Variants in SAP130 observed in about 807,000 individuals in gnomAD.
The protein encoded by SAP130 is Sin3A associated protein 130.
SAP130 carries 16 observed loss-of-function variants against 103.2 expected under a neutral mutation model. The ratio of observed to expected loss-of-function variants is 0.16; its 90% confidence interval spans 0.10 to 0.24. SAP130 has a LOEUF of 0.24. Among genes scored for constraint, SAP130 ranks in the 10% least tolerant of loss-of-function variants. The probability of loss-of-function intolerance (pLI) is 1.00; values close to 1 mark genes in which losing one functional copy is unlikely to be tolerated. For missense variants in SAP130, 990 were observed against 1,359.7 expected, an observed-to-expected ratio of 0.73 and a Z score of 4.28; for synonymous variants, 477 against 497.0, an observed-to-expected ratio of 0.96 and a Z score of 0.53.
chr2:128,006,665 C>G (rs974075540), intron 7 of SAP130, among the ~76,000 whole-genome samples: 1 of 152,054 alleles, frequency 6.6e-6, no homozygotes, highest in Non-Finnish European at 1.5e-5. Context: ...GCCCGTAGTC[C>G]CAGCTTTGGG....
chr2:128,027,123 GCTT>G, intron 1 of SAP130: 1 of 1,400,380 alleles, frequency 7.1e-7, no homozygotes, highest in Non-Finnish European at 9.4e-7. Flanking sequence ...CGCACCGCCC[GCTT>G]CTATCTCGCC....
intron 2 of SAP130, among the ~76,000 whole-genome samples, chr2:128,019,399 C>G (rs1685000269): frequency 2.0e-5 from 3 of 152,118 alleles, no homozygotes; most frequent in Admixed American, 6.5e-5. Flanking sequence ...GCCCAAGCAG[C>G]TAAGACTACA....
intron 2 of SAP130, among the ~76,000 whole-genome samples, chr2:128,018,483 CAAAAAAAAAAAA>C (rs759445928): frequency 1.4e-5 from 1 of 69,480 alleles, no homozygotes; most frequent in Admixed American, 1.8e-4. Context: ...AGATTGTCTC[CAAAAAAAAAAAA>C]AAAAAAAAAA....
chr2:127,977,871 C>G, intron 15 of SAP130, 114 bp downstream of exon 15: 1 of 804,078 alleles, frequency 1.2e-6, no homozygotes, highest in South Asian at 1.6e-5. Flanking sequence ...CCACTGCACT[C>G]CAGCCTGGGC....
intron 11 of SAP130, among the ~76,000 whole-genome samples, chr2:127,995,589 GA>G (rs1271692913): frequency 6.6e-6 from 1 of 152,162 alleles, no homozygotes; most frequent in Non-Finnish European, 1.5e-5. Context: ...CAACACGTTA[GA>G]AAAACTCACT....
intron 6 of SAP130, among the ~76,000 whole-genome samples, chr2:128,011,115 G>C (rs376198997): frequency 3.3e-5 from 5 of 152,030 alleles, no homozygotes; most frequent in African/African-American, 1.2e-4. Context: ...GACATTTTAC[G>C]CTGCCATCCA....
In SAP130 at chr2:127,941,641, G is replaced by C; in HGVS notation, c.*365C>G. On this transcript the variant is annotated 3_prime_UTR_variant, in exon 21 of 21. Coordinates refer to ENST00000643581, the MANE Select transcript of SAP130 (RefSeq NM_001330301.2). The stretch of plus-strand genomic sequence containing the variant: ...GGTCCGAGTGGATACTTTCAGTCCA[G>C]GCTCAGTATGGGGCCTGCAGGAATC... The C allele has an allele frequency of 4.5e-6, 1 of 222,606 alleles. No homozygotes were observed. The highest frequency in any genetic ancestry group is 8.7e-6 in the Non-Finnish European group (1 of 115,040). The allele number at this position is 222,606 out of a possible 1,614,324, so 13.8% of individuals were successfully genotyped here. A position where few individuals can be genotyped will look rare whatever the true frequency, so the allele number is the denominator to read the frequency against.
chr2:128,027,516 G>A (rs1284475292), intron 1 of SAP130, among the ~76,000 whole-genome samples: 2 of 152,052 alleles, frequency 1.3e-5, no homozygotes, highest in East Asian at 1.9e-4. Flanking sequence ...GAAGGGGGCG[G>A]GGAGCGGGGA....
intron 15 of SAP130, 38 bp downstream of exon 15, chr2:127,977,947 G>T: frequency 7.0e-7 from 1 of 1,418,866 alleles, no homozygotes; most frequent in Non-Finnish European, 9.7e-7. Flanking sequence ...ACGATGTGTG[G>T]GTAAAAGCAA....
chr2:128,026,967 C>G (rs1573875538), intron 1 of SAP130: 2 of 922,938 alleles, frequency 2.2e-6, no homozygotes, highest in East Asian at 3.3e-5. Flanking sequence ...ACCGCGAAGC[C>G]CCCGCTGAGA....
At chr2:128,022,370 AT>A (rs1435900010) in intron 2 of SAP130, among the ~76,000 whole-genome samples, 3 of 152,212 alleles carry the variant, frequency 2.0e-5, no homozygotes, top group African/African-American at 7.2e-5. Context: ...TCTGATAGAC[AT>A]TTGGTGAGAA....
intron 7 of SAP130, among the ~76,000 whole-genome samples, chr2:128,009,026 T>C (rs1684192453): frequency 6.6e-6 from 1 of 152,062 alleles, no homozygotes; most frequent in Non-Finnish European, 1.5e-5. Context: ...ATAAAACTCC[T>C]TTCCTAAACC....
rs151209135 is a variant in SAP130 at position 128,016,748 on chromosome 2, C to T, written c.349-201G>A. ...TTCACAGATAAAGAAACATACAAAG[C>T]AAGGCTAACTGACTTGCTCAAAGCC... On this transcript the variant is annotated intron_variant, in intron 3 of 20. Coordinates refer to ENST00000643581, the MANE Select transcript of SAP130 (RefSeq NM_001330301.2). 3.3e-4 allele frequency among the ~76,000 whole-genome samples: 51 copies of T among 152,252 alleles called. No homozygotes were observed. In the East Asian group the frequency reaches 9.1e-3, roughly 27 times the overall value.
Position 128,018,483 on chromosome 2 carries a change from C to CAAA in SAP130, c.113-571_113-569dup, listed in dbSNP as rs759445928. On this transcript the variant is annotated intron_variant, in intron 2 of 20. Transcript: ENST00000643581. ...CTGGGCGAGAGAGGAAGATTGTCTC[C>CAAA]AAAAAAAAAAAAAAAAAAAAAAAGG... 9.1e-3 allele frequency among the ~76,000 whole-genome samples: 629 copies of CAAA among 69,342 alleles called. 9 individuals are homozygous for CAAA. The highest frequency in any genetic ancestry group is 0.023 in the African/African-American group (357 of 15,214). 45.5% of individuals were successfully genotyped at this position (69,342 alleles called of 152,430 possible). A position where few individuals can be genotyped will look rare whatever the true frequency, so the allele number is the denominator to read the frequency against.
chr2:128,021,866 G>C (rs1252265101), intron 2 of SAP130, among the ~76,000 whole-genome samples: 1 of 152,116 alleles, frequency 6.6e-6, no homozygotes, highest in Non-Finnish European at 1.5e-5. Flanking sequence ...GACTAGTAAT[G>C]TTGAACATCT....
intron 7 of SAP130, among the ~76,000 whole-genome samples, chr2:128,004,249 C>T (rs1289928031): frequency 1.3e-5 from 2 of 151,008 alleles, no homozygotes; most frequent in Non-Finnish European, 2.9e-5. Flanking sequence ...ATCCTCCTTT[C>T]GCAAAATTAG....
chr2:127,971,531 C>T (rs111768496), intron 15 of SAP130, among the ~76,000 whole-genome samples: 1 of 152,188 alleles, frequency 6.6e-6, no homozygotes, highest in African/African-American at 2.4e-5. Flanking sequence ...TCGTGATCTA[C>T]CCGCCTTGGC....
intron 15 of SAP130, among the ~76,000 whole-genome samples, chr2:127,961,208 T>G (rs530164569): frequency 4.6e-5 from 7 of 152,044 alleles, no homozygotes; most frequent in African/African-American, 1.7e-4. Context: ...CAGGCTAGTC[T>G]CAAACTCCTG....
intron 15 of SAP130, among the ~76,000 whole-genome samples, chr2:127,968,790 A>C (rs369854364): frequency 5.8e-4 from 89 of 152,246 alleles, no homozygotes; most frequent in Middle Eastern, 3.4e-3. Flanking sequence ...CGCTGGGATT[A>C]GTGAGGGCAC....
Sources: allele counts gnomAD v4.1 joint callset (sites outside exome capture counted in the v4.1 genomes callset), GRCh38; gene constraint gnomAD v4.1.1; transcripts MANE v1.5; gene names NCBI Gene and HGNC (gene_info 2026-07-23, HGNC 2026-07-21).